The following CATSPERD variants were observed in gnomAD, a reference collection of about 807,000 sequenced individuals.
CATSPERD encodes the protein cation channel sperm-associated auxiliary subunit delta.
A neutral mutation model predicts 98.1 loss-of-function variants in CATSPERD; 86 were observed. That is an observed-to-expected ratio of 0.88 (90% CI 0.74 to 1.05). The LOEUF (loss-of-function observed/expected upper bound fraction) is 1.05. CATSPERD is among the 50% of genes least tolerant of loss of function. The probability of loss-of-function intolerance (pLI) is 0.00; values close to 1 mark genes in which losing one functional copy is unlikely to be tolerated. For synonymous variants in CATSPERD, 394 were observed against 390.2 expected (o/e 1.01, Z -0.12); for missense variants, 995 against 1,005.7 (o/e 0.99, Z 0.14).
chr19:5,755,727 C>T (rs909684404), intron 13 of CATSPERD, among the ~76,000 whole-genome samples: 4 of 151,918 alleles, frequency 2.6e-5, no homozygotes, highest in African/African-American at 4.8e-5. Context: ...GAGCCAAGAT[C>T]GTGCCATTGC....
intron 10 of CATSPERD, among the ~76,000 whole-genome samples, chr19:5,748,587 C>T (rs2056141308): frequency 7.0e-6 from 1 of 143,674 alleles, no homozygotes; most frequent in African/African-American, 2.6e-5. Flanking sequence ...GCAGATCGCA[C>T]CATGGCACTC....
chr19:5,743,257 C>T (rs1455114185), intron 7 of CATSPERD, among the ~76,000 whole-genome samples: 3 of 151,758 alleles, frequency 2.0e-5, no homozygotes, highest in Middle Eastern at 6.8e-3. Context: ...GAGCTGAGAT[C>T]ACACCATTGC....
chr19:5,760,570 G>T (rs2056415320), intron 15 of CATSPERD, among the ~76,000 whole-genome samples: 1 of 151,774 alleles, frequency 6.6e-6, no homozygotes, highest in South Asian at 2.1e-4. Context: ...GAAGTAGGAT[G>T]GGGGGTGCCA....
chr19:5,757,784 T>C, intron 13 of CATSPERD, 59 bp from the exon 14 acceptor site: 23 of 1,338,210 alleles, frequency 1.7e-5, no homozygotes, highest in Non-Finnish European at 2.3e-5. Flanking sequence ...TGTGGGGGTT[T>C]GTCACCCCGT....
rs2055912450 is a variant in CATSPERD, at chr19:5,739,362, G to A, written c.496G>A (p.Asp166Asn). ...TTTGGTTTTTGCATATTTCCGTGGA[G>A]ATCAGATATCCCAGACTTATATATA... ...SNLVFAYFRG[D>N]QISQTYIYYS... Residue 166 changes from aspartate (D) to asparagine (N), a missense_variant, in exon 7 of 22, where the codon GAT becomes AAT. Transcript: ENST00000381624. 3.2e-6 allele frequency: 5 copies of A among 1,586,366 alleles called. No homozygotes were observed. The highest frequency in any genetic ancestry group is 1.4e-5 in the African/African-American group (1 of 72,744).
At chr19:5,728,975 C>T (rs1421258290) in intron 3 of CATSPERD, among the ~76,000 whole-genome samples, 2 of 151,150 alleles carry the variant, frequency 1.3e-5, no homozygotes, top group South Asian at 2.1e-4. Context: ...GCTGGGATTA[C>T]AGGCATGAGC....
chr19:5,730,128 CT>C (rs1200586341), intron 4 of CATSPERD, among the ~76,000 whole-genome samples, 184 bp downstream of exon 4: 1 of 152,122 alleles, frequency 6.6e-6, no homozygotes, highest in African/African-American at 2.4e-5. Context: ...TCTGCCCCTA[CT>C]ACCAAAATAG....
At position 5,770,951 on chromosome 19, in the gene CATSPERD, T is replaced by C; in HGVS notation, c.1642T>C (p.Tyr548His). 1.2e-6 allele frequency: 2 copies of C among 1,608,062 alleles called. No homozygotes were observed. Among genetic ancestry groups the C allele is most frequent in the Non-Finnish European group, 1.7e-6 (2 of 1,177,392 alleles). Reference protein sequence around the residue: ...NYSFIIEKEFYDPGFQGQQSS... With the variant: ...NYSFIIEKEFHDPGFQGQQSS... The stretch of plus-strand genomic sequence containing the variant: ...CTTCTTGGTGTCTTGAAGGGAATTC[T>C]ACGACCCCGGCTTCCAGGGGCAGCA... The change falls in exon 19 of 22, where the codon TAC becomes CAC. Residue 548 changes from tyrosine to histidine, a missense_variant. Around this residue, in one of 3 missense-constraint regions of CATSPERD, gnomAD observed 762 missense variants for 773.7 expected, o/e 0.98. Transcript: ENST00000381624.
intron 8 of CATSPERD, among the ~76,000 whole-genome samples, chr19:5,744,966 T>G (rs1410641830): frequency 1.3e-5 from 2 of 151,728 alleles, no homozygotes; most frequent in African/African-American, 4.8e-5. Context: ...TATGTGAGAC[T>G]GATTCTCACT....
At chr19:5,726,076 T>C (rs576179637) in intron 2 of CATSPERD, among the ~76,000 whole-genome samples, 4 of 151,592 alleles carry the variant, frequency 2.6e-5, no homozygotes, top group South Asian at 4.2e-4. Flanking sequence ...TTTTTTTTTT[T>C]CCTGAGATGG....
At chr19:5,771,538 G>A (rs980677502) in intron 19 of CATSPERD, among the ~76,000 whole-genome samples, 5 of 151,548 alleles carry the variant, frequency 3.3e-5, no homozygotes, top group South Asian at 2.1e-4. Context: ...GCGCCCGGCC[G>A]ATGGGCTTTT....
intron 2 of CATSPERD, among the ~76,000 whole-genome samples, chr19:5,726,855 A>G (rs2055614260): frequency 1.3e-5 from 2 of 152,202 alleles, no homozygotes; most frequent in South Asian, 4.1e-4. Context: ...CATTCCACCT[A>G]CCTAATTCAG....
intron 7 of CATSPERD, 34 bp downstream of exon 7, chr19:5,739,473 T>A: frequency 8.6e-7 from 1 of 1,168,720 alleles, no homozygotes; most frequent in Non-Finnish European, 1.3e-6. Flanking sequence ...TGAAAATAAA[T>A]ACATATGTAC....
rs537102860 is a variant in CATSPERD, at chr19:5,736,052, C to T, written c.392-1086C>T. Among the ~76,000 whole-genome samples, 84 of 152,142 alleles carry T rather than the reference C, an allele frequency of 5.5e-4. 2 individuals carry two copies. The South Asian group carries it at 0.017, about 31-fold the overall frequency. ...TCAGCCTCCCAAAGTGCTGGGATTA[C>T]AGGCATAAGCCACTGTGCCCGGCCT... is the stretch of plus-strand genomic sequence containing the variant. On this transcript the variant is annotated intron_variant, in intron 5 of 21. Transcript: ENST00000381624.
chr19:5,758,762 A>G (rs1278906476), intron 14 of CATSPERD, among the ~76,000 whole-genome samples: 1 of 151,086 alleles, frequency 6.6e-6, no homozygotes, highest in East Asian at 1.9e-4. Flanking sequence ...AGAGAAGAAA[A>G]AAAAGGCAAA....
rs752326993 is a variant in CATSPERD, at chr19:5,776,216, T to C, written c.1997T>C (p.Val666Ala). ...NNNAPLRWPDVQYQILGGRTA... is the reference protein window; with the variant it reads ...NNNAPLRWPDAQYQILGGRTA... ...AATGCCCCTTTGAGGTGGCCAGACG[T>C]CCAGTATCAGATCTTGGGCGGCCGG... Residue 666 changes from valine to alanine, a missense_variant, in exon 21 of 22, where the codon GTC (valine) becomes GCC (alanine). Coordinates refer to ENST00000381624, the MANE Select transcript of CATSPERD (RefSeq NM_152784.4). 1.2e-6 allele frequency: 2 copies of C among 1,613,992 alleles called. No homozygotes were observed. The highest frequency in any genetic ancestry group is 4.5e-5 in the East Asian group (2 of 44,876).
intron 15 of CATSPERD, among the ~76,000 whole-genome samples, chr19:5,760,716 G>A (rs901329389): frequency 6.6e-6 from 1 of 152,080 alleles, no homozygotes; most frequent in South Asian, 2.1e-4. Flanking sequence ...GATGAATGGT[G>A]CACTTAAAAT....
In CATSPERD at chr19:5,753,698, G is replaced by T. The variant is rs112062484; in HGVS notation, c.1165-434G>T. On this transcript the variant is annotated intron_variant, in intron 12 of 21. Coordinates refer to ENST00000381624, the MANE Select transcript of CATSPERD (RefSeq NM_152784.4). Reference sequence around the variant, plus strand: ...CAGCGTGGCAACATAGTAAGCCCTTGTCTCTATTAAAAAAAAAAAATTGAA... The same window carrying T: ...CAGCGTGGCAACATAGTAAGCCCTTTTCTCTATTAAAAAAAAAAAATTGAA... 1,258 of 279,058 alleles carry T rather than the reference G, an allele frequency of 4.5e-3. 14 individuals are homozygous for T. Among genetic ancestry groups the T allele is most frequent in the African/African-American group, 0.026 (1,137 of 43,992 alleles). 17.3% of individuals were successfully genotyped at this position (279,058 alleles called of 1,614,324 possible).
rs373076160 is a variant in CATSPERD, at chr19:5,768,253, G to T, written c.1634+11G>T. 6.2e-7 allele frequency: 1 copy of T among 1,610,798 alleles called. No individual in the cohort carries two copies. The highest frequency in any genetic ancestry group is 1.3e-5 in the African/African-American group (1 of 74,812). On this transcript the variant is annotated intron_variant, in intron 18 of 21. Coordinates refer to ENST00000381624, the MANE Select transcript of CATSPERD (RefSeq NM_152784.4). ...CTTCATCATCGAGAAGTAAGCCAGC[G>T]TCCCCCCGCAACACCTGACACCCAA...
Sources: gnomAD v4.1 joint callset for allele counts (sites outside exome capture counted in the v4.1 genomes callset) on GRCh38, gnomAD v4.1.1 for gene constraint, gnomAD v4.1.1 regional missense constraint, MANE v1.5 for transcripts, NCBI Gene and HGNC (gene_info 2026-07-23, HGNC 2026-07-21) for gene names.